Variants in SGCZ observed in about 807,000 individuals in gnomAD.
The protein encoded by SGCZ is zeta-sarcoglycan.
A neutral mutation model predicts 41.3 loss-of-function variants in SGCZ; 40 were observed. The ratio of observed to expected loss-of-function variants is 0.97; its 90% CI spans 0.75 to 1.26. SGCZ has a LOEUF of 1.26. Among genes scored for constraint, SGCZ ranks in the 50% most tolerant of loss-of-function variants. The probability of loss-of-function intolerance (pLI) is 0.00; values close to 1 mark genes in which losing one functional copy is unlikely to be tolerated. For missense variants in SGCZ, 552 were observed against 369.8 expected (o/e 1.49, Z -4.04); for synonymous variants, 206 against 137.5 (o/e 1.50, Z -3.49).
chr8:14,377,406 G>GTAAT (rs1804171891), intron 2 of SGCZ, among the ~76,000 whole-genome samples: 1 of 151,936 alleles, frequency 6.6e-6, no homozygotes, highest in African/African-American at 2.4e-5. Context: ...TAATCAACTG[G>GTAAT]TAATAGGAAG....
At chr8:14,856,954 C>G (rs1473534072) in intron 1 of SGCZ, among the ~76,000 whole-genome samples, 1 of 152,088 alleles carries the variant, frequency 6.6e-6, no homozygotes, top group Non-Finnish European at 1.5e-5. Context: ...GGATCCGTGT[C>G]TCTGCCCAAA....
chr8:14,461,807 A>C (rs966160709), intron 2 of SGCZ, among the ~76,000 whole-genome samples: 7 of 152,254 alleles, frequency 4.6e-5, no homozygotes, highest in Middle Eastern at 3.4e-3. Context: ...AAATTCTGAA[A>C]GCTGCCATCA....
chr8:14,577,471 C>T (rs1391541702), intron 1 of SGCZ, among the ~76,000 whole-genome samples: 3 of 150,164 alleles, frequency 2.0e-5, no homozygotes, highest in South Asian at 2.1e-4. Flanking sequence ...TCACTGCAAC[C>T]TCTGCCTCCC....
At chr8:14,202,958 G>A (rs1334797817) in intron 4 of SGCZ, among the ~76,000 whole-genome samples, 1 of 152,156 alleles carries the variant, frequency 6.6e-6, no homozygotes, top group Non-Finnish European at 1.5e-5. Context: ...GGTCTTTCCT[G>A]TGGTGTTCTC....
chr8:15,215,060 T>C (rs1490435624), intron 1 of SGCZ, among the ~76,000 whole-genome samples: 2 of 152,190 alleles, frequency 1.3e-5, no homozygotes, highest in African/African-American at 4.8e-5. Context: ...CATTTAATCT[T>C]GAAACAACTC....
chr8:14,821,279 A>T (rs1057277164), intron 1 of SGCZ, among the ~76,000 whole-genome samples: 1 of 152,008 alleles, frequency 6.6e-6, no homozygotes, highest in South Asian at 2.1e-4. Context: ...GAGGAAATAG[A>T]AAAACTGAAC....
intron 2 of SGCZ, among the ~76,000 whole-genome samples, chr8:14,422,225 G>T (rs375818470): frequency 1.3e-5 from 2 of 152,180 alleles, no homozygotes; most frequent in African/African-American, 4.8e-5. Context: ...AGAAATACAA[G>T]ATTAAATAAA....
chr8:14,240,778 A>G (rs1287784610), intron 3 of SGCZ, among the ~76,000 whole-genome samples: 1 of 152,190 alleles, frequency 6.6e-6, no homozygotes, highest in Non-Finnish European at 1.5e-5. Flanking sequence ...TGTATTTTAT[A>G]TCAATACCAT....
intron 1 of SGCZ, among the ~76,000 whole-genome samples, chr8:14,774,796 A>G (rs1800350139): frequency 6.6e-6 from 1 of 152,272 alleles, no homozygotes; most frequent in South Asian, 2.1e-4. Context: ...CTATCCTTTC[A>G]AAAGGTTCTC....
chr8:15,042,954 T>G (rs1371177060), intron 1 of SGCZ, among the ~76,000 whole-genome samples: 1 of 152,194 alleles, frequency 6.6e-6, no homozygotes, highest in Non-Finnish European at 1.5e-5. Flanking sequence ...CATAATGCAG[T>G]CATAAACGGT....
intron 3 of SGCZ, among the ~76,000 whole-genome samples, chr8:14,239,802 T>C (rs1325643210): frequency 7.0e-6 from 1 of 143,688 alleles, no homozygotes; most frequent in African/African-American, 2.6e-5. Context: ...CTTGGGAGGC[T>C]GAGGCAGGAG....
chr8:14,869,059 A>G (rs1323267177), intron 1 of SGCZ, among the ~76,000 whole-genome samples: 4 of 152,144 alleles, frequency 2.6e-5, no homozygotes, highest in Non-Finnish European at 5.9e-5. Context: ...AAACAACAGA[A>G]AAAAGGAACT....
intron 4 of SGCZ, among the ~76,000 whole-genome samples, chr8:14,235,183 T>C (rs1352691333): frequency 2.0e-5 from 3 of 152,176 alleles, no homozygotes; most frequent in African/African-American, 7.2e-5. Flanking sequence ...AACTACTAAA[T>C]AGCTCCCTGT....
chr8:14,758,954 G>C (rs544876730), intron 1 of SGCZ, among the ~76,000 whole-genome samples: 1 of 149,250 alleles, frequency 6.7e-6, no homozygotes, highest in South Asian at 2.1e-4. Flanking sequence ...GTTGCAGTGA[G>C]CCAAGATCAG....
At chr8:14,975,786 C>CTT (rs139867741) in intron 1 of SGCZ, among the ~76,000 whole-genome samples, 24,862 of 105,256 alleles carry the variant, frequency 0.24, 2,670 homozygotes, top group East Asian at 0.45. Flanking sequence ...CTTTTTTCCA[C>CTT]TTTTATATAT....
intron 3 of SGCZ, among the ~76,000 whole-genome samples, chr8:14,256,932 A>G (rs574230448): frequency 5.4e-4 from 82 of 152,216 alleles, no homozygotes; most frequent in African/African-American, 9.4e-4. Context: ...TTAGACGTAT[A>G]TAATAGAGTA....
rs950924191 is a variant in SGCZ, at chr8:14,150,977, C to T, written c.547+13603G>A. Among the ~76,000 whole-genome samples the T allele has an allele frequency of 2.0e-5, 3 of 152,008 alleles. No individual in the cohort carries two copies. The South Asian group carries it at 6.2e-4, about 31-fold the overall frequency. On this transcript the variant is annotated intron_variant, in intron 5 of 7. Transcript: ENST00000382080. Reference sequence around the variant, plus strand: ...TATTTGTGGGACCTAAAAATCACAACAATTGTACTCATGAACATAGTAAAA... The same window carrying T: ...TATTTGTGGGACCTAAAAATCACAATAATTGTACTCATGAACATAGTAAAA...
intron 1 of SGCZ, among the ~76,000 whole-genome samples, chr8:14,932,664 T>C (rs1191506265): frequency 1.3e-5 from 2 of 152,170 alleles, no homozygotes; most frequent in African/African-American, 4.8e-5. Context: ...AAAGTGCTAA[T>C]AGTGTAGGAT....
intron 1 of SGCZ, among the ~76,000 whole-genome samples, chr8:14,658,363 T>C (rs1807641981): frequency 6.6e-6 from 1 of 152,148 alleles, no homozygotes; most frequent in African/African-American, 2.4e-5. Flanking sequence ...CTCATGCCCT[T>C]TCATAGTTTT....
Sources: gnomAD v4.1 joint callset for allele counts (sites outside exome capture counted in the v4.1 genomes callset) on GRCh38, gnomAD v4.1.1 for gene constraint, MANE v1.5 for transcripts, NCBI Gene and HGNC (gene_info 2026-07-23, HGNC 2026-07-21) for gene names.